The following CFAP54 variants were observed in gnomAD, a reference collection of about 807,000 sequenced individuals.
CFAP54 encodes the protein cilia and flagella associated protein 54.
CFAP54 carries 290 observed loss-of-function variants against 370.4 expected under a neutral mutation model. The ratio of observed to expected loss-of-function variants is 0.78; its 90% confidence interval spans 0.71 to 0.86. The LOEUF (loss-of-function observed/expected upper bound fraction) is 0.86, where lower values mean the gene tolerates loss of function less well. Ranked by LOEUF, CFAP54 falls within the 40% of genes least tolerant of loss-of-function variation. The pLI is 0.00. For missense variants in CFAP54, 3,399 were observed against 3,528.7 expected, an observed-to-expected ratio of 0.96 and a Z score of 0.93; for synonymous variants, 1,206 against 1,236.5, an observed-to-expected ratio of 0.98 and a Z score of 0.52.
At chr12:96,536,563 C>T (rs6538723) in intron 12 of CFAP54, among the ~76,000 whole-genome samples, 63,273 of 151,134 alleles carry the variant, frequency 0.42, 13,741 homozygotes, top group South Asian at 0.47. Flanking sequence ...CAAAAAATAG[C>T]GATCAAGGCT....
chr12:96,521,046 A>G (rs988495187), intron 6 of CFAP54, among the ~76,000 whole-genome samples: 1 of 152,176 alleles, frequency 6.6e-6, no homozygotes, highest in Non-Finnish European at 1.5e-5. Context: ...TTTGTTCTAT[A>G]GCTATTAAGA....
intron 39 of CFAP54, among the ~76,000 whole-genome samples, chr12:96,672,318 A>G (rs1272512806): frequency 6.6e-6 from 1 of 152,114 alleles, no homozygotes. Flanking sequence ...GAAAGAAAGG[A>G]AAGAATAAAC....
intron 66 of CFAP54, among the ~76,000 whole-genome samples, chr12:96,851,618 A>G (rs557916781): frequency 5.3e-5 from 8 of 152,210 alleles, no homozygotes; most frequent in Admixed American, 4.6e-4. Context: ...ATAAAAATTA[A>G]TAATTTCTTT....
At chr12:96,847,915 G>T (rs1000180855) in intron 66 of CFAP54, among the ~76,000 whole-genome samples, 1 of 152,218 alleles carries the variant, frequency 6.6e-6, no homozygotes, top group African/African-American at 2.4e-5. Flanking sequence ...AATGACAATG[G>T]TAGTGATGGT....
At chr12:96,501,014 C>A in intron 2 of CFAP54, 75 bp downstream of exon 2, 1 of 759,644 alleles carries the variant, frequency 1.3e-6, no homozygotes, top group Non-Finnish European at 2.0e-6. Flanking sequence ...AGTCTGATAC[C>A]CTTCCTATTT....
intron 64 of CFAP54, among the ~76,000 whole-genome samples, chr12:96,814,283 G>T (rs1177811068): frequency 6.6e-6 from 1 of 152,162 alleles, no homozygotes; most frequent in Non-Finnish European, 1.5e-5. Context: ...CCTTCATGTG[G>T]TTACTTGTGG....
chr12:96,722,321 G>T (rs1486910473), intron 50 of CFAP54, among the ~76,000 whole-genome samples: 3 of 152,180 alleles, frequency 2.0e-5, no homozygotes, highest in Admixed American at 6.5e-5. Flanking sequence ...ATTTTGGGTG[G>T]TCAGGGCAGG....
intron 63 of CFAP54, among the ~76,000 whole-genome samples, chr12:96,805,590 A>G (rs1958869683): frequency 6.6e-6 from 1 of 151,188 alleles, no homozygotes; most frequent in Non-Finnish European, 1.5e-5. Context: ...AAAAAACCAG[A>G]TATTGGCAAG....
chr12:96,844,923 A>G (rs1185294070), intron 66 of CFAP54, among the ~76,000 whole-genome samples: 1 of 152,188 alleles, frequency 6.6e-6, no homozygotes, highest in Non-Finnish European at 1.5e-5. Context: ...CTGGACACCC[A>G]TGCTTTTCTA....
intron 29 of CFAP54, among the ~76,000 whole-genome samples, chr12:96,626,243 G>A (rs990676831): frequency 3.9e-5 from 6 of 151,960 alleles, no homozygotes; most frequent in Non-Finnish European, 1.5e-5. Context: ...AATTATCCAC[G>A]TGTTGGGTGG....
intron 66 of CFAP54, among the ~76,000 whole-genome samples, chr12:96,859,834 A>G (rs116746855): frequency 0.012 from 1,796 of 152,292 alleles, 37 homozygotes; most frequent in African/African-American, 0.039. Flanking sequence ...TTTTTAAAAA[A>G]AAGAAAAAAA....
In CFAP54 at chr12:96,718,446, T is replaced by A; in HGVS notation, c.6728T>A (p.Ile2243Lys). 2.0e-6 allele frequency: 3 copies of A among 1,479,216 alleles called. No individual in the cohort carries two copies. Among genetic ancestry groups the A allele is most frequent in the Non-Finnish European group, 2.8e-6 (3 of 1,058,682 alleles). The allele number at this position is 1,479,216 out of a possible 1,614,324, so 91.6% of individuals were successfully genotyped here. ...SKPNLPNLEE[I>K]YSKDDGSSFY... ...CCAAAATTTTGTGTCTTTATAGAGA[T>A]ATATTCAAAGGATGATGGAAGTTCA... Residue 2243 changes from isoleucine (I) to lysine (K), a missense_variant, in exon 49 of 68, where the codon ATA (isoleucine) becomes AAA (lysine). This residue lies in a region of CFAP54 where 2,796 missense variants were observed against 2,869.7 expected (regional missense o/e 0.97). Transcript: ENST00000524981.
Position 96,518,993 on chromosome 12 carries a change from G to A in CFAP54, c.864G>A (p.Arg288=). 6.5e-7 allele frequency: 1 copy of A among 1,536,016 alleles called. No homozygotes were observed. Among genetic ancestry groups the A allele is most frequent in the Non-Finnish European group, 8.7e-7 (1 of 1,146,886 alleles). Residue 288 remains arginine (R), a synonymous_variant, in exon 6 of 68, where the codon AGG becomes AGA. Coordinates refer to ENST00000524981, the MANE Select transcript of CFAP54 (RefSeq NM_001306084.2). ...CCTTGGTCCCGCTCCTGTCACTCAG[G>A]TACTTGACATGGCGCGCTACTCTCT... is the stretch of plus-strand genomic sequence containing the variant. ...MESLVPLLSL[R]YLTWRATLYT... is the part of the protein sequence containing the mutation.
intron 65 of CFAP54, among the ~76,000 whole-genome samples, chr12:96,825,920 T>C (rs1040306854): frequency 5.0e-5 from 7 of 140,444 alleles, no homozygotes; most frequent in African/African-American, 1.6e-4. Context: ...AATATATTCA[T>C]ATATAAATAT....
At chr12:96,605,093 C>T (rs776223015) in intron 26 of CFAP54, among the ~76,000 whole-genome samples, 25 of 152,154 alleles carry the variant, frequency 1.6e-4, no homozygotes, top group Admixed American at 3.3e-4. Flanking sequence ...GGAGCTGTTC[C>T]GATTCAGCCA....
At chr12:96,750,759 T>TTGCCG (rs1300367764) in intron 55 of CFAP54, among the ~76,000 whole-genome samples, 1 of 152,210 alleles carries the variant, frequency 6.6e-6, no homozygotes, top group African/African-American at 2.4e-5. Flanking sequence ...GACAATACTG[T>TTGCCG]TGCCGTGTTT....
At chr12:96,517,816 AG>A (rs1188474026) in intron 5 of CFAP54, among the ~76,000 whole-genome samples, 1 of 152,222 alleles carries the variant, frequency 6.6e-6, no homozygotes, top group Non-Finnish European at 1.5e-5. Context: ...ATGGTGGAGA[AG>A]GGCAGTGCAG....
At chr12:96,818,630 C>CA (rs1959000945) in intron 65 of CFAP54, among the ~76,000 whole-genome samples, 1 of 152,234 alleles carries the variant, frequency 6.6e-6, no homozygotes, top group Admixed American at 6.5e-5. Flanking sequence ...TCATCTGGCA[C>CA]ACCTGTGTAA....
intron 60 of CFAP54, among the ~76,000 whole-genome samples, chr12:96,767,505 A>G (rs1958412840): frequency 6.6e-6 from 1 of 152,154 alleles, no homozygotes; most frequent in Non-Finnish European, 1.5e-5. Context: ...CTTCTTTACT[A>G]TTTTAACTAC....
Sources: allele counts gnomAD v4.1 joint callset (sites outside exome capture counted in the v4.1 genomes callset), GRCh38; gene constraint gnomAD v4.1.1; regional missense constraint gnomAD v4.1.1; transcripts MANE v1.5; gene names NCBI Gene and HGNC (gene_info 2026-07-23, HGNC 2026-07-21).